The following ANKRD36C variants were observed in gnomAD, a reference collection of about 807,000 sequenced individuals.
ANKRD36C encodes ankyrin repeat domain 36C, also known as ankyrin repeat domain-containing protein 36C.
In ANKRD36C, 61 loss-of-function variants were observed where a neutral mutation model predicts 276.4. The ratio of observed to expected loss-of-function variants is 0.22; its 90% CI spans 0.18 to 0.27. ANKRD36C has a LOEUF of 0.27. Among genes scored for constraint, ANKRD36C ranks in the 10% least tolerant of loss-of-function variants. ANKRD36C has a pLI of 1.00. For synonymous variants in ANKRD36C, 483 were observed against 680.1 expected (o/e 0.71, Z 4.51); for missense variants, 1,447 against 2,032.3 (o/e 0.71, Z 5.54).
Position 95,895,706 on chromosome 2 carries a change from C to G in ANKRD36C, c.2755+3439G>C, listed in dbSNP as rs201010221. 8.9e-4 allele frequency: 1,351 copies of G among 1,512,736 alleles called. 11 individuals carry two copies. The highest frequency in any genetic ancestry group is 1.2e-3 in the Middle Eastern group (5 of 4,082). The allele number at this position is 1,512,736 out of a possible 1,614,324, so 93.7% of individuals were successfully genotyped here. ...TCCTGCCTGTATTAGTGGAGGCTTT[C>G]ATGGCTTCTACTTTGTCTCAGGGGA... On this transcript the variant is annotated intron_variant, in intron 44 of 66. Transcript: ENST00000456556.
chr2:95,962,547 A>G (rs1378260728), exon 7 of ANKRD36C: 2 of 1,600,316 alleles, frequency 1.2e-6, no homozygotes, highest in South Asian at 2.2e-5. Flanking sequence ...CTGAGAAGAC[A>G]CTGAAAAGCA....
chr2:95,851,450 T>A (rs1420021737), intron 66 of ANKRD36C, among the ~76,000 whole-genome samples: 2 of 152,206 alleles, frequency 1.3e-5, no homozygotes, highest in Admixed American at 1.3e-4. Context: ...AAAAAATTAC[T>A]GTAAAACATT....
At chr2:95,883,753 C>T (rs997719355) in intron 54 of ANKRD36C, among the ~76,000 whole-genome samples, 3 of 152,052 alleles carry the variant, frequency 2.0e-5, no homozygotes, top group Non-Finnish European at 4.4e-5. Context: ...TCAGCGGTCT[C>T]GTTAGTTCTT....
intron 42 of ANKRD36C, among the ~76,000 whole-genome samples, chr2:95,908,964 C>T (rs1306465875): frequency 6.0e-5 from 9 of 151,156 alleles, no homozygotes; most frequent in Non-Finnish European, 8.9e-5. Flanking sequence ...TCAATATCAA[C>T]GTGGATATGC....
chr2:95,986,524 G>C (rs1478869746), intron 3 of ANKRD36C: 1 of 526,298 alleles, frequency 1.9e-6, no homozygotes. Context: ...TGTAATTCAT[G>C]TTTGTATAAT....
chr2:95,868,876 T>C (rs1353290701), intron 59 of ANKRD36C, among the ~76,000 whole-genome samples: 1 of 152,288 alleles, frequency 6.6e-6, no homozygotes, highest in Admixed American at 6.5e-5. Context: ...CTGCTTTAAC[T>C]TATTTGTGAT....
At chr2:95,960,413 G>A (rs1678431840) in intron 10 of ANKRD36C, 60 bp downstream of exon 10, 1 of 1,533,146 alleles carries the variant, frequency 6.5e-7, no homozygotes, top group African/African-American at 1.4e-5. Flanking sequence ...TTTATTCGGG[G>A]AAGGGAAGTT....
At chr2:95,960,734 C>T (rs1678440525) in intron 8 of ANKRD36C, 67 bp from the exon 9 acceptor site, 1 of 679,692 alleles carries the variant, frequency 1.5e-6, no homozygotes, top group East Asian at 2.8e-5. Context: ...TACTTTCATG[C>T]AGTGTTACCA....
chr2:95,878,710 G>C (rs1676008597), intron 58 of ANKRD36C, among the ~76,000 whole-genome samples: 1 of 152,186 alleles, frequency 6.6e-6, no homozygotes, highest in African/African-American at 2.4e-5. Flanking sequence ...ATGGAAAGGT[G>C]CTCGATGTCA....
intron 1 of ANKRD36C, 54 bp from the exon 2 acceptor site, chr2:95,987,260 T>C: frequency 3.3e-6 from 5 of 1,497,786 alleles, no homozygotes; most frequent in Non-Finnish European, 4.4e-6. Flanking sequence ...TTAATTAGCA[T>C]GTTATTTCTC....
intron 42 of ANKRD36C, chr2:95,910,551 G>A (rs776279636): frequency 7.5e-6 from 12 of 1,606,508 alleles, no homozygotes; most frequent in Middle Eastern, 3.9e-4. Context: ...TTCAAGGCTG[G>A]TGGTTTCTGA....
rs1265751358 is a variant in ANKRD36C, at chr2:95,919,648, AC to A, written c.2246-1607del. The A allele has an allele frequency of 1.6e-4, 40 of 246,906 alleles. 8 individuals carry two copies. Among genetic ancestry groups the A allele is most frequent in the Non-Finnish European group, 2.3e-4 (39 of 168,084 alleles). The allele number at this position is 246,906 out of a possible 1,614,324, so 15.3% of individuals were successfully genotyped here. ...ATGTGCAGCTTCGGCGACTCCCCCC[AC>A]CCACCCTCCGCTGATTTATTCGGGA... On this transcript the variant is annotated intron_variant, in intron 34 of 66. Coordinates refer to ENST00000456556, the Ensembl canonical transcript of ANKRD36C.
chr2:95,909,050 T>C (rs1676836322), intron 42 of ANKRD36C, among the ~76,000 whole-genome samples: 1 of 150,996 alleles, frequency 6.6e-6, no homozygotes, highest in African/African-American at 2.4e-5. Flanking sequence ...AAGCAGGTGC[T>C]ACATGATCCC....
intron 50 of ANKRD36C, among the ~76,000 whole-genome samples, chr2:95,886,717 T>C (rs1211084662): frequency 1.3e-5 from 2 of 151,766 alleles, no homozygotes; most frequent in Non-Finnish European, 2.9e-5. Flanking sequence ...ACAATGACAC[T>C]TCACTTGAAC....
intron 44 of ANKRD36C, among the ~76,000 whole-genome samples, chr2:95,894,056 G>A (rs1287872492): frequency 1.3e-5 from 2 of 151,464 alleles, no homozygotes; most frequent in Admixed American, 6.6e-5. Context: ...ACACACCTGA[G>A]AATCAATGTC....
chr2:95,915,336 G>C (rs532575821), intron 38 of ANKRD36C, among the ~76,000 whole-genome samples: 1 of 151,468 alleles, frequency 6.6e-6, no homozygotes, highest in Non-Finnish European at 1.5e-5. Flanking sequence ...GGAGTAATGA[G>C]TCATTGTGTT....
chr2:95,959,731 A>G (rs1445004801), intron 10 of ANKRD36C, among the ~76,000 whole-genome samples: 2 of 152,228 alleles, frequency 1.3e-5, no homozygotes, highest in Non-Finnish European at 2.9e-5. Context: ...CAACAAAGCC[A>G]ATGTATGCAT....
chr2:95,851,335 A>C (rs1675287826), intron 66 of ANKRD36C, 140 bp from the exon 87 acceptor site: 2 of 744,766 alleles, frequency 2.7e-6, no homozygotes, highest in Non-Finnish European at 4.4e-6. Flanking sequence ...AATGCTCTAC[A>C]ATCTGAAACT....
At position 95,931,849 on chromosome 2, in the gene ANKRD36C, T is replaced by TAAACAC. The variant is rs906940562; in HGVS notation, c.1736-2583_1736-2582insGTGTTT. On this transcript the variant is annotated intron_variant, in intron 24 of 66. Coordinates refer to ENST00000456556, the Ensembl canonical transcript of ANKRD36C. Reference sequence around the variant, plus strand: ...CAGAAGAGAAAAAAATACACACACATACACACACACACACACACATTCACA... The same window carrying TAAACAC: ...CAGAAGAGAAAAAAATACACACACATAAACACACACACACACACACACACATTCACA... Among the ~76,000 whole-genome samples, 32 of 111,638 alleles carry TAAACAC rather than the reference T, an allele frequency of 2.9e-4. 1 individual carries two copies. Among genetic ancestry groups the TAAACAC allele is most frequent in the South Asian group, 5.3e-4 (2 of 3,792 alleles). 73.2% of individuals were successfully genotyped at this position (111,638 alleles called of 152,430 possible).
Sources: gnomAD v4.1 joint callset for allele counts (sites outside exome capture counted in the v4.1 genomes callset) on GRCh38, gnomAD v4.1.1 for gene constraint, MANE v1.5 for transcripts, NCBI Gene and HGNC (gene_info 2026-07-23, HGNC 2026-07-21) for gene names.